The following COL19A1 variants were observed in gnomAD, a reference collection of about 807,000 sequenced individuals.
COL19A1 encodes the protein collagen alpha-1(XIX) chain.
Under a neutral mutation model 190.2 loss-of-function variants are expected in COL19A1, and 159 were observed. The observed-to-expected ratio is 0.84, with a 90% confidence interval of 0.73 to 0.95. The LOEUF (loss-of-function observed/expected upper bound fraction) is 0.95. Among genes scored for constraint, COL19A1 ranks in the 40% least tolerant of loss-of-function variants. The pLI is 0.00. For missense variants in COL19A1, 1,418 were observed against 1,431.9 expected, an observed-to-expected ratio of 0.99 and a Z score of 0.16; for synonymous variants, 509 against 458.9, an observed-to-expected ratio of 1.11 and a Z score of -1.39.
At chr6:70,023,757 G>C (rs1778579711) in intron 12 of COL19A1, 77 bp downstream of exon 12, 2 of 1,389,152 alleles carry the variant, frequency 1.4e-6, no homozygotes, top group Non-Finnish European at 2.0e-6. Context: ...ATTAAGATTT[G>C]CCTATTTTTG....
intron 31 of COL19A1, among the ~76,000 whole-genome samples, chr6:70,155,863 C>T (rs1787398111): frequency 6.6e-6 from 1 of 152,062 alleles, no homozygotes; most frequent in African/African-American, 2.4e-5. Flanking sequence ...TTGGAATTTT[C>T]TATTTAAGTG....
chr6:70,073,992 C>T (rs1781708912), intron 15 of COL19A1, among the ~76,000 whole-genome samples: 1 of 152,094 alleles, frequency 6.6e-6, no homozygotes, highest in Non-Finnish European at 1.5e-5. Context: ...GGTAAAAGGA[C>T]ATCAAAGTCA....
chr6:69,989,283 A>G (rs1349543367), intron 11 of COL19A1, among the ~76,000 whole-genome samples: 1 of 152,126 alleles, frequency 6.6e-6, no homozygotes, highest in African/African-American at 2.4e-5. Context: ...GACATCCCTA[A>G]CTTGCCCTTC....
intron 44 of COL19A1, among the ~76,000 whole-genome samples, chr6:70,181,314 G>GA (rs534668853): frequency 2.0e-3 from 304 of 152,102 alleles, no homozygotes; most frequent in African/African-American, 6.5e-3. Context: ...GAGAAGACAT[G>GA]AAAAAAATGT....
intron 15 of COL19A1, among the ~76,000 whole-genome samples, chr6:70,087,684 T>C (rs1054400033): frequency 6.6e-6 from 1 of 152,210 alleles, no homozygotes; most frequent in African/African-American, 2.4e-5. Flanking sequence ...TCAAATGCTA[T>C]TCAAGTCTGA....
At chr6:70,070,112 C>A (rs1462519899) in intron 15 of COL19A1, among the ~76,000 whole-genome samples, 3 of 152,040 alleles carry the variant, frequency 2.0e-5, no homozygotes, top group Non-Finnish European at 4.4e-5. Context: ...ACCCACATTT[C>A]TTGATTTGGC....
At chr6:69,878,471 C>A (rs1768284326) in intron 1 of COL19A1, among the ~76,000 whole-genome samples, 1 of 151,992 alleles carries the variant, frequency 6.6e-6, no homozygotes, top group Admixed American at 6.6e-5. Flanking sequence ...CCTCGGCCTT[C>A]CAAAGTGCTG....
chr6:70,166,902 C>A (rs936255912), intron 37 of COL19A1, among the ~76,000 whole-genome samples: 1 of 152,218 alleles, frequency 6.6e-6, no homozygotes, highest in East Asian at 1.9e-4. Flanking sequence ...GCAAATATAA[C>A]ATGAGTTCAT....
Position 69,921,388 on chromosome 6 carries a change from TATATATCATATATCATATATATC to T in COL19A1, c.267-6507_267-6485del, listed in dbSNP as rs1231553665. Among the ~76,000 whole-genome samples the T allele has an allele frequency of 4.2e-4, 47 of 112,644 alleles. 4 individuals are homozygous for T. Among genetic ancestry groups the T allele is most frequent in the African/African-American group, 1.7e-3 (41 of 24,292 alleles). 73.9% of individuals were successfully genotyped at this position (112,644 alleles called of 152,430 possible). A position where few individuals can be genotyped will look rare whatever the true frequency, so the allele number is the denominator to read the frequency against. On this transcript the variant is annotated intron_variant, in intron 4 of 50. Coordinates refer to ENST00000620364, the MANE Select transcript of COL19A1 (RefSeq NM_001858.6). ...TATATCATATATATCATATATATCA[TATATATCATATATCATATATATC>T]ATATATCATATATATCATATATATC...
chr6:70,077,619 T>C (rs556687188), intron 15 of COL19A1, among the ~76,000 whole-genome samples: 5 of 152,224 alleles, frequency 3.3e-5, no homozygotes, highest in Non-Finnish European at 5.9e-5. Context: ...TTGTGACCAC[T>C]GTATTATGGT....
chr6:70,172,664 T>C (rs1024613191), intron 41 of COL19A1, among the ~76,000 whole-genome samples: 5 of 152,222 alleles, frequency 3.3e-5, no homozygotes, highest in Non-Finnish European at 4.4e-5. Flanking sequence ...AAGCATGTGA[T>C]GGTAGAATTA....
intron 17 of COL19A1, among the ~76,000 whole-genome samples, chr6:70,126,472 T>C (rs1022221339): frequency 3.3e-5 from 5 of 152,324 alleles, no homozygotes; most frequent in African/African-American, 1.2e-4. Context: ...CACAGACATA[T>C]GGACTTTCAG....
chr6:70,048,500 C>G (rs1780024495), intron 14 of COL19A1, among the ~76,000 whole-genome samples: 1 of 151,978 alleles, frequency 6.6e-6, no homozygotes, highest in African/African-American at 2.4e-5. Flanking sequence ...TTCAGAAAAC[C>G]TACGTGGTTT....
intron 15 of COL19A1, among the ~76,000 whole-genome samples, chr6:70,089,224 T>C (rs1173771448): frequency 6.6e-6 from 1 of 152,202 alleles, no homozygotes; most frequent in African/African-American, 2.4e-5. Flanking sequence ...AAAAGATCAA[T>C]ATAACTTTAC....
chr6:70,114,803 A>G (rs974776541), intron 16 of COL19A1, among the ~76,000 whole-genome samples: 15 of 152,204 alleles, frequency 9.9e-5, no homozygotes, highest in African/African-American at 3.4e-4. Flanking sequence ...ATGCATATAC[A>G]TATTCATCAT....
At chr6:70,051,368 G>T (rs1780191842) in intron 14 of COL19A1, among the ~76,000 whole-genome samples, 1 of 152,072 alleles carries the variant, frequency 6.6e-6, no homozygotes, top group Non-Finnish European at 1.5e-5. Flanking sequence ...CAGAAGACAT[G>T]AAACTTCTGA....
intron 12 of COL19A1, among the ~76,000 whole-genome samples, chr6:70,026,264 A>G (rs1300406129): frequency 6.6e-6 from 1 of 152,210 alleles, no homozygotes; most frequent in African/African-American, 2.4e-5. Context: ...ACATGCATAT[A>G]TTTGAGGGCC....
chr6:69,998,580 C>T (rs1020830677), intron 11 of COL19A1, among the ~76,000 whole-genome samples: 1 of 145,670 alleles, frequency 6.9e-6, no homozygotes, highest in Admixed American at 7.1e-5. Context: ...GGGAAGTGGA[C>T]GTTGCAGTAA....
At chr6:70,107,263 T>C (rs747563952) in intron 16 of COL19A1, among the ~76,000 whole-genome samples, 1 of 152,030 alleles carries the variant, frequency 6.6e-6, no homozygotes, top group Non-Finnish European at 1.5e-5. Context: ...AATGTTTGAG[T>C]TTTCCGTTGC....
Sources: gnomAD v4.1 joint callset for allele counts (sites outside exome capture counted in the v4.1 genomes callset) on GRCh38, gnomAD v4.1.1 for gene constraint, MANE v1.5 for transcripts, NCBI Gene and HGNC (gene_info 2026-07-23, HGNC 2026-07-21) for gene names.